GPC6: variants seen among roughly 807,000 people sequenced by gnomAD.
GPC6 encodes glypican 6, also known as glypican-6.
A neutral mutation model predicts 55.2 loss-of-function variants in GPC6; 14 were observed. The observed-to-expected ratio is 0.25, with a 90% CI of 0.17 to 0.40. GPC6 has a LOEUF of 0.40. Among genes scored for constraint, GPC6 ranks in the 10% least tolerant of loss-of-function variants. The pLI is 1.00. For missense variants in GPC6, 641 were observed against 708.5 expected, an observed-to-expected ratio of 0.90 and a Z score of 1.08; for synonymous variants, 278 against 259.6, an observed-to-expected ratio of 1.07 and a Z score of -0.68.
chr13:93,269,647 C>T (rs191482416), intron 1 of GPC6, among the ~76,000 whole-genome samples: 16 of 151,622 alleles, frequency 1.1e-4, no homozygotes, highest in South Asian at 2.1e-4. Flanking sequence ...TGTGGTAGGC[C>T]GGACACGGTG....
chr13:94,334,125 T>C (rs146347262), intron 6 of GPC6, among the ~76,000 whole-genome samples: 20 of 152,338 alleles, frequency 1.3e-4, no homozygotes, highest in African/African-American at 4.8e-4. Context: ...ATTGTTTTAT[T>C]ACCTAGAAAG....
chr13:94,014,632 CA>C (rs1324531172), intron 3 of GPC6, among the ~76,000 whole-genome samples: 2 of 152,082 alleles, frequency 1.3e-5, no homozygotes, highest in Non-Finnish European at 2.9e-5. Flanking sequence ...ACATTTTTGT[CA>C]CACAAAAAGA....
chr13:93,308,144 G>C (rs185893962), intron 1 of GPC6, among the ~76,000 whole-genome samples: 6 of 152,158 alleles, frequency 3.9e-5, no homozygotes, highest in African/African-American at 1.4e-4. Flanking sequence ...AATTAGCCGG[G>C]CCTGGTGGCG....
At position 94,196,639 on chromosome 13, in the gene GPC6, C is replaced by T. The variant is rs575493981; in HGVS notation, c.878-89710C>T. Among the ~76,000 whole-genome samples the T allele has an allele frequency of 6.6e-5, 10 of 152,216 alleles. No homozygotes were observed. In the East Asian group the frequency reaches 1.4e-3, roughly 21 times the overall value. On this transcript the variant is annotated intron_variant, in intron 4 of 8. Coordinates refer to ENST00000377047, the MANE Select transcript of GPC6 (RefSeq NM_005708.5). ...TTGAGTTGAAACTAACAGGAACAAG[C>T]GGAAGAGTTTTACCCAAGTGATTAG...
intron 6 of GPC6, among the ~76,000 whole-genome samples, chr13:94,366,273 T>C (rs532187085): frequency 1.3e-5 from 2 of 152,326 alleles, no homozygotes; most frequent in South Asian, 4.1e-4. Flanking sequence ...ATTGGCAAAA[T>C]TGAGCTATTA....
chr13:93,422,311 G>A (rs1430211211), intron 1 of GPC6, among the ~76,000 whole-genome samples: 1 of 152,178 alleles, frequency 6.6e-6, no homozygotes, highest in African/African-American at 2.4e-5. Flanking sequence ...ATGACATGCT[G>A]TGTTCACAAG....
intron 2 of GPC6, among the ~76,000 whole-genome samples, chr13:93,584,769 A>G (rs1042752823): frequency 1.4e-5 from 2 of 145,710 alleles, no homozygotes; most frequent in Non-Finnish European, 3.0e-5. Context: ...GCTTACTGCA[A>G]CCTCCACCTC....
intron 1 of GPC6, among the ~76,000 whole-genome samples, chr13:93,333,984 T>C (rs898058596): frequency 6.6e-6 from 1 of 152,198 alleles, no homozygotes; most frequent in Non-Finnish European, 1.5e-5. Flanking sequence ...CTAATACATG[T>C]TTTTTGTGCA....
At chr13:93,398,064 C>T (rs1875927496) in intron 1 of GPC6, among the ~76,000 whole-genome samples, 1 of 152,140 alleles carries the variant, frequency 6.6e-6, no homozygotes, top group Admixed American at 6.5e-5. Flanking sequence ...CATTTCAGCA[C>T]TTTCAAACTA....
At chr13:93,268,861 T>C (rs1484334882) in intron 1 of GPC6, among the ~76,000 whole-genome samples, 1 of 152,140 alleles carries the variant, frequency 6.6e-6, no homozygotes, top group African/African-American at 2.4e-5. Flanking sequence ...CTCTCTTCTC[T>C]GCCTCCCTTT....
At chr13:93,711,384 C>T (rs1282249244) in intron 2 of GPC6, among the ~76,000 whole-genome samples, 1 of 151,652 alleles carries the variant, frequency 6.6e-6, no homozygotes, top group Admixed American at 6.6e-5. Flanking sequence ...GAGAACAGCA[C>T]AGCAAGAACC....
chr13:93,754,768 C>A (rs968653452), intron 2 of GPC6, among the ~76,000 whole-genome samples: 1 of 151,828 alleles, frequency 6.6e-6, no homozygotes, highest in East Asian at 1.9e-4. Context: ...TAATTGCATT[C>A]CTATTTAGAT....
At chr13:93,725,805 A>G (rs1251820933) in intron 2 of GPC6, among the ~76,000 whole-genome samples, 1 of 152,100 alleles carries the variant, frequency 6.6e-6, no homozygotes, top group African/African-American at 2.4e-5. Flanking sequence ...AAAAAGAAGA[A>G]AATCAGTGTT....
At chr13:94,336,239 G>C (rs1877693152) in intron 6 of GPC6, among the ~76,000 whole-genome samples, 1 of 152,116 alleles carries the variant, frequency 6.6e-6, no homozygotes, top group African/African-American at 2.4e-5. Flanking sequence ...AATCCAGGCT[G>C]CTTTTCTCAG....
intron 2 of GPC6, among the ~76,000 whole-genome samples, chr13:93,557,582 C>T (rs1875547786): frequency 6.6e-6 from 1 of 152,136 alleles, no homozygotes; most frequent in Non-Finnish European, 1.5e-5. Context: ...GGCTTGTTCT[C>T]ATTCTCTGGG....
chr13:93,517,398 T>C (rs1881245281), intron 1 of GPC6, among the ~76,000 whole-genome samples: 2 of 152,114 alleles, frequency 1.3e-5, no homozygotes, highest in Non-Finnish European at 2.9e-5. Context: ...GGAAAATTAT[T>C]CATTTTTAAA....
intron 1 of GPC6, among the ~76,000 whole-genome samples, chr13:93,394,523 G>T (rs1464390593): frequency 1.3e-5 from 2 of 152,130 alleles, no homozygotes; most frequent in Non-Finnish European, 2.9e-5. Context: ...CCTCTCTTAG[G>T]TTATTGGTTT....
intron 4 of GPC6, among the ~76,000 whole-genome samples, chr13:94,202,640 C>G (rs1179880654): frequency 1.3e-5 from 2 of 152,160 alleles, no homozygotes; most frequent in African/African-American, 2.4e-5. Context: ...GGTGGAGACA[C>G]AGCTGAACCA....
At chr13:93,263,509 C>T (rs1386010740) in intron 1 of GPC6, among the ~76,000 whole-genome samples, 4 of 152,168 alleles carry the variant, frequency 2.6e-5, no homozygotes, top group African/African-American at 4.8e-5. Context: ...GGATTACAGG[C>T]GTGTGCCTCC....
Sources: gnomAD v4.1 joint callset for allele counts (sites outside exome capture counted in the v4.1 genomes callset) on GRCh38, gnomAD v4.1.1 for gene constraint, MANE v1.5 for transcripts, NCBI Gene and HGNC (gene_info 2026-07-23, HGNC 2026-07-21) for gene names.